The following ACTA2 variants were observed in gnomAD, a reference collection of about 807,000 sequenced individuals.
ACTA2 encodes the protein actin, aortic smooth muscle.
A neutral mutation model predicts 39.5 loss-of-function variants in ACTA2; 12 were observed. That is an observed-to-expected ratio of 0.30 (90% CI 0.19 to 0.49). The LOEUF is 0.49. ACTA2 is among the 20% of genes least tolerant of loss of function. ACTA2 has a pLI of 0.99. For synonymous variants in ACTA2, 158 were observed against 180.6 expected, an observed-to-expected ratio of 0.88 and a Z score of 1.00; for missense variants, 236 against 498.8, an observed-to-expected ratio of 0.47 and a Z score of 5.02.
chr10:88,940,771 T>A (rs1233920424), intron 6 of ACTA2: 1 of 249,350 alleles, frequency 4.0e-6, no homozygotes. Context: ...CATTTAATAC[T>A]GATAACAATC....
At chr10:88,941,637 G>A in intron 5 of ACTA2, 148 bp downstream of exon 5, 1 of 845,208 alleles carries the variant, frequency 1.2e-6, no homozygotes, top group Non-Finnish European at 1.9e-6. Context: ...GGCTTATTTT[G>A]AACACTAGAA....
At chr10:88,938,488 T>A (rs1845788209) in intron 7 of ACTA2, 1 of 507,586 alleles carries the variant, frequency 2.0e-6, no homozygotes, top group Non-Finnish European at 3.6e-6. Flanking sequence ...TATCACTGAT[T>A]TTTTAATAGA....
chr10:88,935,609 G>C, intron 8 of ACTA2: 1 of 441,632 alleles, frequency 2.3e-6, no homozygotes, highest in Non-Finnish European at 4.2e-6. Flanking sequence ...GTAACTCTTC[G>C]ACCACATTAT....
chr10:88,945,168 T>C (rs1845922912), intron 3 of ACTA2, among the ~76,000 whole-genome samples: 1 of 152,236 alleles, frequency 6.6e-6, no homozygotes. Flanking sequence ...GAAAGTTTTT[T>C]CTTCCAATAG....
At chr10:88,938,424 G>T in intron 7 of ACTA2, 182 bp from the exon 8 acceptor site, 1 of 661,790 alleles carries the variant, frequency 1.5e-6, no homozygotes, top group Non-Finnish European at 2.6e-6. Context: ...CTTCCTGCCT[G>T]CCTTCTAATG....
intron 1 of ACTA2, among the ~76,000 whole-genome samples, chr10:88,970,314 A>G (rs1846404549): frequency 6.6e-6 from 1 of 152,058 alleles, no homozygotes; most frequent in Non-Finnish European, 1.5e-5. Flanking sequence ...CAGAAATTCC[A>G]GTAAAGTCTT....
In ACTA2 at chr10:88,990,095, A is replaced by G. The variant is rs1847074105; in HGVS notation, c.-24+844T>C. Among the ~76,000 whole-genome samples the G allele has an allele frequency of 6.6e-6, 1 of 152,200 alleles. No individual in the cohort carries two copies. Among genetic ancestry groups the G allele is most frequent in the Admixed American group, 6.5e-5 (1 of 15,280 alleles). ...AGCTGGGGCTATGCGATTTGGCTTAAGTTGTTAGCTTTGTTTTCCTCTTGA... is the reference window on the plus strand; with the variant it reads ...AGCTGGGGCTATGCGATTTGGCTTAGGTTGTTAGCTTTGTTTTCCTCTTGA... On this transcript the variant is annotated intron_variant, in intron 1 of 4. Transcript: ENST00000415557. The surrounding 1 kb of genome is among the most constrained non-coding windows in gnomAD (Gnocchi z 4.9).
rs371557947 is a variant in ACTA2 at position 88,944,895 on chromosome 10, CAG to C, written c.259-990_259-989del. ...ATATGAGATTCACTCAAAATCAAAA[CAG>C]AGCAAAACAAGAACTGCTGGTGAAA... On this transcript the variant is annotated intron_variant, in intron 3 of 8. Coordinates refer to ENST00000224784, the MANE Select transcript of ACTA2 (RefSeq NM_001613.4). 3.5e-3 allele frequency among the ~76,000 whole-genome samples: 529 copies of C among 152,298 alleles called. 1 individual carries two copies. The highest frequency in any genetic ancestry group is 6.0e-3 in the Non-Finnish European group (407 of 68,018).
At chr10:88,968,577 A>T (rs145898120) in intron 1 of ACTA2, among the ~76,000 whole-genome samples, 191 of 152,228 alleles carry the variant, frequency 1.3e-3, no homozygotes, top group South Asian at 2.7e-3. Flanking sequence ...AGGAAGAGAA[A>T]ATTCTGGCTT....
chr10:88,984,895 T>G lies in ACTA2; in HGVS notation c.-24+6044A>C, dbSNP rs1223739141. Among the ~76,000 whole-genome samples, 3 of 152,206 alleles carry G rather than the reference T, an allele frequency of 2.0e-5. No individual in the cohort carries two copies. In the East Asian group the frequency reaches 5.8e-4, roughly 29 times the overall value. ...TATTTTCTGGAAAGTTTAAAAAATA[T>G]GGTATTCTTCATGGAGAAGCCAAGA... On this transcript the variant is annotated intron_variant, in intron 1 of 4. Coordinates refer to the ACTA2 transcript ENST00000415557.
chr10:88,946,294 T>C (rs1362608615), intron 3 of ACTA2, among the ~76,000 whole-genome samples: 1 of 150,860 alleles, frequency 6.6e-6, no homozygotes, highest in Non-Finnish European at 1.5e-5. Context: ...TTTTTTTTTT[T>C]CAGTAGAAAC....
chr10:88,935,881 A>T (rs537584789), intron 8 of ACTA2, among the ~76,000 whole-genome samples: 1 of 152,328 alleles, frequency 6.6e-6, no homozygotes, highest in African/African-American at 2.4e-5. Flanking sequence ...CCTGCTGGGG[A>T]CATTCCCTTG....
chr10:88,973,449 T>A, intron 1 of ACTA2: 1 of 1,040,470 alleles, frequency 9.6e-7, no homozygotes, highest in African/African-American at 1.6e-5. Flanking sequence ...CTTTCCTTTC[T>A]AAAGAAAAAC....
At chr10:88,969,752 T>C (rs1016069525) in intron 1 of ACTA2, among the ~76,000 whole-genome samples, 3 of 152,216 alleles carry the variant, frequency 2.0e-5, no homozygotes, top group Admixed American at 6.5e-5. Context: ...TTTGTAGTAA[T>C]ACATTTGATA....
In ACTA2 at chr10:88,941,385, C is replaced by T. The variant is rs1477551716; in HGVS notation, c.460G>A (p.Val154Met). 6.2e-6 allele frequency: 10 copies of T among 1,613,716 alleles called. No homozygotes were observed. The highest frequency in any genetic ancestry group is 3.3e-5 in the Admixed American group (2 of 59,980). ...GTGACACCATCTCCAGAGTCCAGCA[C>T]GATGCCTGGGAGACAATTGGGCGTG... ...LYASGRTTGIVLDSGDGVTHN... is the reference protein window; with the variant it reads ...LYASGRTTGIMLDSGDGVTHN... Residue 154 changes from valine (V) to methionine (M), a missense_variant, in exon 6 of 9, where the codon GTG becomes ATG. Physicochemically the swap from Val to Met is conservative, Grantham distance 21. Transcript: ENST00000224784.
chr10:88,979,346 C>G (rs1352451422), intron 1 of ACTA2, among the ~76,000 whole-genome samples: 1 of 152,136 alleles, frequency 6.6e-6, no homozygotes, highest in Non-Finnish European at 1.5e-5. Flanking sequence ...GAAGGGAAGA[C>G]TTGTGGCTCA....
chr10:88,943,477 CTG>C (rs1451434896), intron 4 of ACTA2, among the ~76,000 whole-genome samples: 1 of 152,234 alleles, frequency 6.6e-6, no homozygotes, highest in East Asian at 1.9e-4. Flanking sequence ...ATGTCTGACT[CTG>C]GAACCCAAAT....
chr10:88,938,356 C>T, intron 7 of ACTA2, 114 bp from the exon 8 acceptor site: 3 of 1,190,978 alleles, frequency 2.5e-6, no homozygotes, highest in South Asian at 2.5e-5. Flanking sequence ...GCTGGGAAGA[C>T]ATAATAATCT....
At chr10:88,974,675 A>G (rs1295216992) in intron 1 of ACTA2, 2 of 152,218 alleles carry the variant, frequency 1.3e-5, no homozygotes, top group African/African-American at 4.8e-5. Context: ...TAAGTAATAC[A>G]AACATTTCTG....
Sources: gnomAD v4.1 joint callset for allele counts (sites outside exome capture counted in the v4.1 genomes callset) on GRCh38, gnomAD v4.1.1 for gene constraint, Gnocchi (gnomAD v3.1) non-coding constraint, MANE v1.5 for transcripts, NCBI Gene and HGNC (gene_info 2026-07-23, HGNC 2026-07-21) for gene names.